Variants in PHKA1 observed in about 807,000 individuals in gnomAD.
The protein encoded by PHKA1 is phosphorylase b kinase regulatory subunit alpha, skeletal muscle isoform.
Under a neutral mutation model 110.2 loss-of-function variants are expected in PHKA1, and 60 were observed. The observed-to-expected ratio is 0.54, with a 90% CI of 0.44 to 0.68. The LOEUF (loss-of-function observed/expected upper bound fraction) is 0.68. Ranked by LOEUF, PHKA1 falls within the 30% of genes least tolerant of loss-of-function variation. The probability of loss-of-function intolerance (pLI) is 0.00; values close to 1 mark genes in which losing one functional copy is unlikely to be tolerated. For missense variants in PHKA1, 801 were observed against 942.5 expected (o/e 0.85, Z 1.97); for synonymous variants, 316 against 333.6 (o/e 0.95, Z 0.58).
At chrX:72,618,995 C>G (rs1244098560) in intron 20 of PHKA1, 146 bp from the exon 21 acceptor site, 1 of 610,430 alleles carries the variant, frequency 1.6e-6, no homozygotes, top group Non-Finnish European at 2.7e-6. Flanking sequence ...AGTAATGAAA[C>G]CTTCCAGATG....
At chrX:72,679,514 T>A (rs979066062) in intron 5 of PHKA1, among the ~76,000 whole-genome samples, 1 of 110,450 alleles carries the variant, frequency 9.1e-6, no homozygotes, top group Non-Finnish European at 1.9e-5. Context: ...ACACAGATGT[T>A]AGAATACTCA....
intron 13 of PHKA1, among the ~76,000 whole-genome samples, chrX:72,646,573 A>C (rs2053362297): frequency 9.0e-6 from 1 of 111,256 alleles, no homozygotes; most frequent in Non-Finnish European, 1.9e-5. Context: ...AACAGAAAAC[A>C]AGGCAGAGCT....
chrX:72,636,520 G>A (rs1306673703), intron 14 of PHKA1, 134 bp from the exon 15 acceptor site: 1 of 473,716 alleles, frequency 2.1e-6, no homozygotes, highest in African/African-American at 2.4e-5. Context: ...CACATCCACT[G>A]TATTTCCTTG....
intron 13 of PHKA1, among the ~76,000 whole-genome samples, chrX:72,648,815 G>A (rs1281942778): frequency 8.9e-6 from 1 of 112,129 alleles, no homozygotes; most frequent in Non-Finnish European, 1.9e-5. Context: ...GTAGAATATT[G>A]GAATTTCAGG....
At chrX:72,709,760 G>T (rs903050627) in intron 2 of PHKA1, among the ~76,000 whole-genome samples, 4 of 110,445 alleles carry the variant, frequency 3.6e-5, no homozygotes, top group African/African-American at 1.3e-4. Flanking sequence ...AAGATTCCTG[G>T]CCGGGTATGG....
intron 21 of PHKA1, among the ~76,000 whole-genome samples, chrX:72,611,456 A>G (rs1172142527): frequency 2.7e-5 from 3 of 112,210 alleles, no homozygotes; most frequent in Non-Finnish European, 5.6e-5. Context: ...GAAATTAAAG[A>G]CAAAGATTTA....
At chrX:72,630,286 C>T (rs1384265932) in intron 16 of PHKA1, among the ~76,000 whole-genome samples, 25 of 66,619 alleles carry the variant, frequency 3.8e-4, no homozygotes, top group African/African-American at 1.4e-3. Flanking sequence ...AGAAAAAGAG[C>T]GGGGGTGGGG....
intron 5 of PHKA1, among the ~76,000 whole-genome samples, chrX:72,680,683 G>C (rs1214671456): frequency 1.9e-5 from 2 of 106,553 alleles, no homozygotes; most frequent in African/African-American, 3.6e-5. Context: ...GGACAGTCGC[G>C]GCGCTGACGC....
rs185280539 is a variant in PHKA1 at position 72,625,981 on chromosome X, A to G, written c.1793+990T>C. The stretch of plus-strand genomic sequence containing the variant: ...TATGTAAGAATGCACTTGTTCCTAG[A>G]CAAAACAAAGAAAACTTAAGTATTT... On this transcript the variant is annotated intron_variant, in intron 17 of 31. Coordinates refer to ENST00000373542, the MANE Select transcript of PHKA1 (RefSeq NM_002637.4). 2.7e-5 allele frequency among the ~76,000 whole-genome samples: 3 copies of G among 111,516 alleles called. No individual in the cohort carries two copies. In the East Asian group the frequency reaches 8.4e-4, roughly 31 times the overall value.
intron 6 of PHKA1, among the ~76,000 whole-genome samples, chrX:72,670,757 C>A (rs1190932856): frequency 1.8e-5 from 2 of 111,814 alleles, no homozygotes; most frequent in South Asian, 3.8e-4. Flanking sequence ...GGGCTTCATC[C>A]CTGGGATGCA....
intron 21 of PHKA1, among the ~76,000 whole-genome samples, chrX:72,618,502 T>A (rs1368553527): frequency 1.8e-5 from 2 of 111,735 alleles, no homozygotes; most frequent in Non-Finnish European, 3.8e-5. Context: ...GGATATTATA[T>A]CTTAATCTTT....
At chrX:72,675,949 C>T (rs1556311605) in intron 6 of PHKA1, 121 bp downstream of exon 6, 1 of 543,563 alleles carries the variant, frequency 1.8e-6, no homozygotes, top group African/African-American at 2.3e-5. Context: ...TGAATGTTGC[C>T]TGTGGTTTAA....
At chrX:72,634,685 T>C (rs2053209410) in intron 16 of PHKA1, among the ~76,000 whole-genome samples, 1 of 111,770 alleles carries the variant, frequency 8.9e-6, no homozygotes, top group African/African-American at 3.2e-5. Context: ...CTATAAAATC[T>C]TGATGTACCA....
At chrX:72,622,415 C>A (rs1265034904) in intron 18 of PHKA1, 1 of 752,207 alleles carries the variant, frequency 1.3e-6, no homozygotes, top group Non-Finnish European at 1.6e-6. Flanking sequence ...GAGGGCTAGA[C>A]AAATAATTCT....
At chrX:72,682,502 A>G (rs1322127385) in intron 5 of PHKA1, among the ~76,000 whole-genome samples, 1 of 109,641 alleles carries the variant, frequency 9.1e-6, no homozygotes. Flanking sequence ...GGTGGGGAAA[A>G]GATTGAGAAA....
chrX:72,618,040 G>A (rs1556271820), intron 21 of PHKA1, among the ~76,000 whole-genome samples: 1 of 111,107 alleles, frequency 9.0e-6, no homozygotes. Context: ...GGAGCAAGCT[G>A]GGAACCTTCT....
At chrX:72,655,769 C>T (rs1292246575) in intron 10 of PHKA1, among the ~76,000 whole-genome samples, 8 of 111,367 alleles carry the variant, frequency 7.2e-5, no homozygotes, top group Non-Finnish European at 9.4e-5. Flanking sequence ...ACTACAGGCG[C>T]CTGCCACCAC....
rs1437519085 is a variant in PHKA1 at position 72,602,235 on chromosome X, T to C, written c.2956A>G (p.Ile986Val). ...TDSNVSPAIS[I>V]HEIGAVGATK... ...GCTCCAACAGCACCAATCTCGTGGA[T>C]AGAAATAGCAGGACTGACATTTGAA... Residue 986 changes from isoleucine to valine, a missense_variant, in exon 27 of 32, where the codon ATC becomes GTC. By Grantham distance (29) the Ile-to-Val change is conservative. This residue lies in a region of PHKA1 where 502 missense variants were observed against 519.2 expected (regional missense o/e 0.97). Transcript: ENST00000373542. The C allele has an allele frequency of 2.5e-6, 3 of 1,200,354 alleles. No individual in the cohort carries two copies. The South Asian group carries it at 5.3e-5, about 21-fold the overall frequency.
At chrX:72,686,847 G>A (rs140627883) in intron 4 of PHKA1, among the ~76,000 whole-genome samples, 77 of 111,361 alleles carry the variant, frequency 6.9e-4, no homozygotes, top group African/African-American at 2.2e-3. Flanking sequence ...GCAGATATCC[G>A]TACACTTCCC....
Sources: allele counts gnomAD v4.1 joint callset (sites outside exome capture counted in the v4.1 genomes callset), GRCh38; gene constraint gnomAD v4.1.1; regional missense constraint gnomAD v4.1.1; transcripts MANE v1.5; gene names NCBI Gene and HGNC (gene_info 2026-07-23, HGNC 2026-07-21).